The following DIAPH3 variants were observed in gnomAD, a reference collection of about 807,000 sequenced individuals.
DIAPH3 encodes protein diaphanous homolog 3.
DIAPH3 carries 117 observed loss-of-function variants against 144.3 expected under a neutral mutation model. That is an observed-to-expected ratio of 0.81 (90% CI 0.70 to 0.95). The LOEUF is 0.95. Among genes scored for constraint, DIAPH3 ranks in the 40% least tolerant of loss-of-function variants. The probability of loss-of-function intolerance (pLI) is 0.00; values close to 1 mark genes in which losing one functional copy is unlikely to be tolerated. For synonymous variants in DIAPH3, 519 were observed against 488.9 expected, an observed-to-expected ratio of 1.06 and a Z score of -0.81; for missense variants, 1,421 against 1,412.7, an observed-to-expected ratio of 1.01 and a Z score of -0.09.
chr13:59,958,949 C>T (rs985613838), intron 17 of DIAPH3, among the ~76,000 whole-genome samples: 1 of 146,494 alleles, frequency 6.8e-6, no homozygotes, highest in Non-Finnish European at 1.5e-5. Context: ...GATCTCGGCT[C>T]ACTGCAACCT....
intron 21 of DIAPH3, among the ~76,000 whole-genome samples, chr13:59,866,573 C>T (rs1422032575): frequency 6.6e-6 from 1 of 152,056 alleles, no homozygotes; most frequent in East Asian, 1.9e-4. Context: ...GTTCTAAGAG[C>T]ACAACATTCT....
At chr13:60,067,264 G>A (rs916067780) in intron 4 of DIAPH3, among the ~76,000 whole-genome samples, 7 of 151,634 alleles carry the variant, frequency 4.6e-5, no homozygotes, top group South Asian at 2.1e-4. Context: ...CAGCCTGAGC[G>A]ACAGTGTGAG....
intron 22 of DIAPH3, among the ~76,000 whole-genome samples, chr13:59,851,460 C>T (rs2042965171): frequency 1.3e-5 from 2 of 152,168 alleles, no homozygotes; most frequent in Non-Finnish European, 2.9e-5. Flanking sequence ...CCTGCCCTGG[C>T]ATGCCAGAGT....
At chr13:60,117,492 T>C (rs1209552159) in intron 2 of DIAPH3, among the ~76,000 whole-genome samples, 1 of 152,096 alleles carries the variant, frequency 6.6e-6, no homozygotes, top group Non-Finnish European at 1.5e-5. Context: ...ATCTAATGAA[T>C]ACCTGAGGCT....
intron 27 of DIAPH3, among the ~76,000 whole-genome samples, chr13:59,681,862 G>C (rs2032969343): frequency 6.6e-6 from 1 of 152,100 alleles, no homozygotes; most frequent in African/African-American, 2.4e-5. Context: ...TCAGCTCCTG[G>C]CTCCAAACTA....
chr13:60,004,625 T>C (rs563562016), intron 9 of DIAPH3, among the ~76,000 whole-genome samples: 1 of 152,288 alleles, frequency 6.6e-6, no homozygotes, highest in African/African-American at 2.4e-5. Context: ...CTATTCCCAA[T>C]TAAGAGCATG....
rs1594483975 is a variant in DIAPH3 at position 60,042,888 on chromosome 13, T to G, written c.496-68A>C. ...AGATTACCCATTAAAAAATAACAAG[T>G]TAATCTCCCTAACAGCAGCACATAA... On this transcript the variant is annotated intron_variant, in intron 4 of 27. Coordinates refer to ENST00000400324, the MANE Select transcript of DIAPH3 (RefSeq NM_001042517.2). The G allele has an allele frequency of 3.2e-6, 5 of 1,548,686 alleles. No homozygotes were observed. In the East Asian group the frequency reaches 1.1e-4, roughly 35 times the overall value.
At chr13:59,696,994 C>T (rs963168118) in intron 27 of DIAPH3, among the ~76,000 whole-genome samples, 1 of 152,020 alleles carries the variant, frequency 6.6e-6, no homozygotes, top group African/African-American at 2.4e-5. Context: ...ACCTCTGAAT[C>T]ATTTAACTTG....
rs186894425 is a variant in DIAPH3, at chr13:60,055,045, A to G, written c.496-12225T>C. On this transcript the variant is annotated intron_variant, in intron 4 of 27. Coordinates refer to ENST00000400324, the MANE Select transcript of DIAPH3 (RefSeq NM_001042517.2). ...GAGTTACTTGGCTTTTTAAAAAAAC[A>G]TTTAATGAGTATCATTACGTGCCAA... 1.1e-3 allele frequency among the ~76,000 whole-genome samples: 170 copies of G among 152,106 alleles called. 1 individual carries two copies. Among genetic ancestry groups the G allele is most frequent in the African/African-American group, 3.9e-3 (164 of 41,576 alleles).
chr13:60,093,865 TCTG>T (rs2058028681), intron 3 of DIAPH3, 133 bp from the exon 4 acceptor site: 2 of 671,572 alleles, frequency 3.0e-6, no homozygotes, highest in Non-Finnish European at 5.3e-6. Flanking sequence ...TACGTGTAGT[TCTG>T]CCTGAAGGAA....
intron 4 of DIAPH3, among the ~76,000 whole-genome samples, chr13:60,061,354 G>C (rs1216378087): frequency 6.6e-6 from 1 of 151,964 alleles, no homozygotes; most frequent in South Asian, 2.1e-4. Context: ...ATGGACAATA[G>C]GATGGAACTG....
chr13:59,856,744 C>T (rs1233153385), intron 22 of DIAPH3, among the ~76,000 whole-genome samples: 1 of 152,112 alleles, frequency 6.6e-6, no homozygotes, highest in African/African-American at 2.4e-5. Context: ...GGGAACAGTA[C>T]AGCTTGTAAC....
At chr13:59,829,696 C>T (rs962836142) in intron 24 of DIAPH3, among the ~76,000 whole-genome samples, 1 of 151,832 alleles carries the variant, frequency 6.6e-6, no homozygotes, top group African/African-American at 2.4e-5. Context: ...ATATGACAGA[C>T]ACAGATCTTA....
At chr13:60,120,393 C>T (rs2058816579) in intron 2 of DIAPH3, among the ~76,000 whole-genome samples, 1 of 152,150 alleles carries the variant, frequency 6.6e-6, no homozygotes. Flanking sequence ...ATTCTGACTT[C>T]GATATTCCTC....
In DIAPH3 at chr13:59,991,937, A is replaced by G. The variant is rs72626800; in HGVS notation, c.1244+131T>C. 64,350 of 736,788 alleles carry G rather than the reference A, an allele frequency of 0.087. 4,420 individuals carry two copies. The highest frequency in any genetic ancestry group is 0.35 in the East Asian group (13,037 of 37,698). The allele number at this position is 736,788 out of a possible 1,614,324, so 45.6% of individuals were successfully genotyped here. On this transcript the variant is annotated intron_variant, in intron 11 of 27. Transcript: ENST00000400324. Reference sequence around the variant, plus strand: ...ACACACAAATTAATAAAATAATAACATTCTTCTGATGCATGAAGGTTTGAT... The same window carrying G: ...ACACACAAATTAATAAAATAATAACGTTCTTCTGATGCATGAAGGTTTGAT...
chr13:59,975,760 T>G (rs2050642732), intron 14 of DIAPH3, among the ~76,000 whole-genome samples: 1 of 152,034 alleles, frequency 6.6e-6, no homozygotes, highest in African/African-American at 2.4e-5. Context: ...ATTCTCTCAG[T>G]CTCAACCTGT....
chr13:60,093,981 TA>T (rs1164822871), intron 3 of DIAPH3, among the ~76,000 whole-genome samples: 3 of 152,144 alleles, frequency 2.0e-5, no homozygotes. Flanking sequence ...AGCAGGCAAA[TA>T]AAATTATATT....
intron 19 of DIAPH3, 45 bp downstream of exon 19, chr13:59,916,110 G>T: frequency 6.7e-7 from 1 of 1,501,550 alleles, no homozygotes; most frequent in Non-Finnish European, 9.3e-7. Context: ...TTAATGAGAA[G>T]CTTGCAATGA....
At chr13:60,079,425 T>C (rs2057474745) in intron 4 of DIAPH3, among the ~76,000 whole-genome samples, 1 of 151,908 alleles carries the variant, frequency 6.6e-6, no homozygotes, top group South Asian at 2.1e-4. Context: ...ATATGAGAAT[T>C]AAAAGAAAGA....
Sources: allele counts gnomAD v4.1 joint callset (sites outside exome capture counted in the v4.1 genomes callset), GRCh38; gene constraint gnomAD v4.1.1; transcripts MANE v1.5; gene names NCBI Gene and HGNC (gene_info 2026-07-23, HGNC 2026-07-21).